The following TMTC1 variants were observed in gnomAD, a reference collection of about 807,000 sequenced individuals.
The protein encoded by TMTC1 is protein O-mannosyl-transferase TMTC1.
In TMTC1, 73 loss-of-function variants were observed where a neutral mutation model predicts 104.8. The ratio of observed to expected loss-of-function variants is 0.70; its 90% CI spans 0.58 to 0.85. The LOEUF (loss-of-function observed/expected upper bound fraction) is 0.85, where lower values mean the gene tolerates loss of function less well. Ranked by LOEUF, TMTC1 falls within the 40% of genes least tolerant of loss-of-function variation. The pLI, the probability that TMTC1 is intolerant of heterozygous loss-of-function variation, is 0.00. For missense variants in TMTC1, 1,035 were observed against 1,096.1 expected (o/e 0.94, Z 0.79); for synonymous variants, 434 against 428.7 (o/e 1.01, Z -0.15).
chr12:29,509,498 A>T (rs1327199845), intron 17 of TMTC1, among the ~76,000 whole-genome samples: 1 of 152,156 alleles, frequency 6.6e-6, no homozygotes, highest in Non-Finnish European at 1.5e-5. Flanking sequence ...GAGGCCTAGG[A>T]ATGGGTAACA....
chr12:29,624,750 G>A (rs1048098174), intron 6 of TMTC1, among the ~76,000 whole-genome samples: 1 of 152,210 alleles, frequency 6.6e-6, no homozygotes, highest in Non-Finnish European at 1.5e-5. Context: ...CATATTTTAA[G>A]TGTTTAACTG....
chr12:29,623,681 C>T (rs572036981), intron 6 of TMTC1, among the ~76,000 whole-genome samples: 12 of 152,048 alleles, frequency 7.9e-5, no homozygotes, highest in African/African-American at 2.2e-4. Flanking sequence ...GGCGCAATGG[C>T]GGTCACCTGT....
chr12:29,718,247 G>C (rs1282633403), intron 5 of TMTC1, among the ~76,000 whole-genome samples: 1 of 152,334 alleles, frequency 6.6e-6, no homozygotes, highest in African/African-American at 2.4e-5. Context: ...AGTATGAAAA[G>C]TTTCCTGTTT....
At chr12:29,704,908 C>T (rs537851624) in intron 5 of TMTC1, among the ~76,000 whole-genome samples, 8 of 152,186 alleles carry the variant, frequency 5.3e-5, no homozygotes, top group South Asian at 2.1e-4. Flanking sequence ...GCATATCTAA[C>T]GAAAAGAACC....
At chr12:29,741,812 G>T (rs1942834089) in intron 5 of TMTC1, among the ~76,000 whole-genome samples, 1 of 152,184 alleles carries the variant, frequency 6.6e-6, no homozygotes, top group African/African-American at 2.4e-5. Context: ...GCTTAGAAAA[G>T]TCTGGAGATC....
chr12:29,593,083 C>T (rs1946321629), intron 7 of TMTC1, among the ~76,000 whole-genome samples: 1 of 152,154 alleles, frequency 6.6e-6, no homozygotes, highest in African/African-American at 2.4e-5. Context: ...GGAAATGGGT[C>T]AAGAGAGCTG....
intron 5 of TMTC1, among the ~76,000 whole-genome samples, chr12:29,651,448 A>C (rs1237789795): frequency 6.6e-6 from 1 of 152,206 alleles, no homozygotes; most frequent in Non-Finnish European, 1.5e-5. Context: ...AGTTCATTAT[A>C]CTGTTCTCTC....
chr12:29,668,713 G>A (rs1281744931), intron 5 of TMTC1, among the ~76,000 whole-genome samples: 1 of 151,998 alleles, frequency 6.6e-6, no homozygotes, highest in Non-Finnish European at 1.5e-5. Context: ...CACCCACCTT[G>A]GCCTCCCAAA....
intron 8 of TMTC1, among the ~76,000 whole-genome samples, chr12:29,579,585 T>C (rs539710484): frequency 2.2e-4 from 33 of 152,326 alleles, no homozygotes; most frequent in African/African-American, 7.7e-4. Context: ...GATCCTGAGC[T>C]GGATGCGAAA....
chr12:29,669,421 G>C (rs1940417294), intron 5 of TMTC1, among the ~76,000 whole-genome samples: 1 of 152,154 alleles, frequency 6.6e-6, no homozygotes, highest in Non-Finnish European at 1.5e-5. Flanking sequence ...ATTTCCAATA[G>C]TGCAGTGTTA....
intron 5 of TMTC1, among the ~76,000 whole-genome samples, chr12:29,680,392 G>T (rs1222478908): frequency 6.6e-6 from 1 of 152,180 alleles, no homozygotes; most frequent in Admixed American, 6.5e-5. Flanking sequence ...GCTGTTTCCA[G>T]GTCGGAGGTA....
intron 5 of TMTC1, among the ~76,000 whole-genome samples, chr12:29,646,227 A>C (rs1035040542): frequency 6.6e-6 from 1 of 152,196 alleles, no homozygotes; most frequent in Non-Finnish European, 1.5e-5. Flanking sequence ...AGCAGGGTTG[A>C]CATAAACTAA....
At chr12:29,581,846 G>A (rs2136325360) in intron 8 of TMTC1, among the ~76,000 whole-genome samples, 1 of 152,276 alleles carries the variant, frequency 6.6e-6, no homozygotes, top group South Asian at 2.1e-4. Flanking sequence ...TTTACCGAAT[G>A]ACCTTAGTTA....
At chr12:29,720,475 G>GA (rs1942207069) in intron 5 of TMTC1, among the ~76,000 whole-genome samples, 1 of 151,982 alleles carries the variant, frequency 6.6e-6, no homozygotes, top group Non-Finnish European at 1.5e-5. Context: ...AATAAGATTT[G>GA]AATATAAACA....
At chr12:29,725,011 G>GTTTTTTTTTTTTTTTTTTTTTT (rs879602127) in intron 5 of TMTC1, among the ~76,000 whole-genome samples, 4 of 115,724 alleles carry the variant, frequency 3.5e-5, no homozygotes, top group African/African-American at 6.2e-5. Flanking sequence ...TATCTGCCAA[G>GTTTTTTTTTTTTTTTTTTTTTT]TTCTTTTTTT....
chr12:29,646,849 T>C (rs773394152), intron 5 of TMTC1, among the ~76,000 whole-genome samples: 4 of 152,202 alleles, frequency 2.6e-5, no homozygotes, highest in Non-Finnish European at 4.4e-5. Context: ...TTCATTAGGC[T>C]GCTGTTTGAT....
intron 8 of TMTC1, among the ~76,000 whole-genome samples, chr12:29,575,893 C>T (rs187224093): frequency 1.6e-4 from 25 of 152,318 alleles, no homozygotes; most frequent in Non-Finnish European, 5.9e-5. Context: ...TTCTCCACAT[C>T]CACTCCAACA....
At chr12:29,538,270 C>T (rs1565654848) in intron 10 of TMTC1, among the ~76,000 whole-genome samples, 1 of 152,194 alleles carries the variant, frequency 6.6e-6, no homozygotes, top group Non-Finnish European at 1.5e-5. Context: ...TTTACATACA[C>T]TCAAGTTTCT....
intron 5 of TMTC1, among the ~76,000 whole-genome samples, chr12:29,723,792 T>A (rs936878142): frequency 1.3e-5 from 2 of 152,042 alleles, no homozygotes; most frequent in Admixed American, 1.3e-4. Flanking sequence ...CTGTGACAGT[T>A]TTGGCCCTGT....
Sources: gnomAD v4.1 joint callset for allele counts (sites outside exome capture counted in the v4.1 genomes callset) on GRCh38, gnomAD v4.1.1 for gene constraint, MANE v1.5 for transcripts, NCBI Gene and HGNC (gene_info 2026-07-23, HGNC 2026-07-21) for gene names.